Variants in ZBTB8OS observed in about 807,000 individuals in gnomAD.
ZBTB8OS encodes tRNA splicing ligase complex subunit 1.
ZBTB8OS carries 16 observed loss-of-function variants against 29.3 expected under a neutral mutation model. The ratio of observed to expected loss-of-function variants is 0.55; its 90% CI spans 0.37 to 0.83. The LOEUF is 0.83. Among genes scored for constraint, ZBTB8OS ranks in the 40% least tolerant of loss-of-function variants. ZBTB8OS has a pLI of 0.00. For synonymous variants in ZBTB8OS, 70 were observed against 64.6 expected, an observed-to-expected ratio of 1.08 and a Z score of -0.40; for missense variants, 160 against 196.9, an observed-to-expected ratio of 0.81 and a Z score of 1.12.
At chr1:32,648,211 A>G (rs187628030) in intron 1 of ZBTB8OS, among the ~76,000 whole-genome samples, 18 of 152,378 alleles carry the variant, frequency 1.2e-4, no homozygotes, top group Non-Finnish European at 2.1e-4. Context: ...TATGGTAACA[A>G]TTAGTAGAAG....
intron 5 of ZBTB8OS, 120 bp from the exon 6 acceptor site, chr1:32,627,664 G>A (rs1332568760): frequency 4.7e-6 from 4 of 844,178 alleles, no homozygotes; most frequent in Non-Finnish European, 7.6e-6. Context: ...GGGTCAGGGA[G>A]CTGTTAAGTT....
intron 1 of ZBTB8OS, among the ~76,000 whole-genome samples, chr1:32,639,080 T>C (rs1342174847): frequency 6.6e-6 from 1 of 151,720 alleles, no homozygotes; most frequent in African/African-American, 2.4e-5. Flanking sequence ...GGTGGATCAC[T>C]TGAGGTCAGG....
intron 1 of ZBTB8OS, among the ~76,000 whole-genome samples, chr1:32,647,903 T>C (rs1391318105): frequency 6.6e-6 from 1 of 152,148 alleles, no homozygotes; most frequent in Non-Finnish European, 1.5e-5. Context: ...CATCCTCCCC[T>C]ACAACCCCCG....
At chr1:32,637,107 GTC>G (rs1405091597) in intron 1 of ZBTB8OS, among the ~76,000 whole-genome samples, 7 of 151,934 alleles carry the variant, frequency 4.6e-5, no homozygotes, top group African/African-American at 1.2e-4. Flanking sequence ...ACTCTACTAA[GTC>G]CCCCTCACTC....
chr1:32,642,918 G>A (rs1182291531), intron 1 of ZBTB8OS, among the ~76,000 whole-genome samples: 1 of 143,040 alleles, frequency 7.0e-6, no homozygotes, highest in Non-Finnish European at 1.5e-5. Flanking sequence ...TTACAGTCAC[G>A]CGCCACCACG....
chr1:32,646,610 A>C (rs12737343), intron 1 of ZBTB8OS, among the ~76,000 whole-genome samples: 15 of 151,076 alleles, frequency 9.9e-5, no homozygotes, highest in South Asian at 6.3e-4. Context: ...GGATGGCCTC[A>C]ATCTCCTGAC....
chr1:32,650,639 C>T (rs1647407550), upstream of ZBTB8OS: 2 of 1,579,898 alleles, frequency 1.3e-6, no homozygotes, highest in Non-Finnish European at 1.7e-6. Flanking sequence ...TAAAGGACCA[C>T]ACTCCTTTCT....
chr1:32,634,218 T>A (rs561351327), intron 2 of ZBTB8OS, 146 bp from the exon 3 acceptor site: 2 of 573,080 alleles, frequency 3.5e-6, no homozygotes, highest in Non-Finnish European at 5.5e-6. Context: ...CAGGTGCTTT[T>A]CTTTTTATTA....
intron 1 of ZBTB8OS, among the ~76,000 whole-genome samples, chr1:32,646,023 T>C (rs1646801193): frequency 6.6e-6 from 1 of 152,116 alleles, no homozygotes; most frequent in Non-Finnish European, 1.5e-5. Flanking sequence ...CATACTTCAA[T>C]AAAAGATGTA....
intron 2 of ZBTB8OS, 112 bp from the exon 3 acceptor site, chr1:32,634,184 C>T: frequency 1.0e-6 from 1 of 968,006 alleles, no homozygotes; most frequent in Non-Finnish European, 1.4e-6. Flanking sequence ...TTTAAGGCCT[C>T]AATCAATTTA....
At chr1:32,633,818 T>A in intron 3 of ZBTB8OS, 91 bp from the exon 4 acceptor site, 2 of 1,467,946 alleles carry the variant, frequency 1.4e-6, no homozygotes, top group Non-Finnish European at 1.8e-6. Context: ...CTTAGGTCAG[T>A]TTAAAGAGAA....
At chr1:32,647,844 T>C (rs1218844048) in intron 1 of ZBTB8OS, among the ~76,000 whole-genome samples, 1 of 152,162 alleles carries the variant, frequency 6.6e-6, no homozygotes, top group Non-Finnish European at 1.5e-5. Context: ...GTAATAATAA[T>C]AGAAATAAAA....
chr1:32,646,406 G>T (rs1162945420), intron 1 of ZBTB8OS, among the ~76,000 whole-genome samples: 6 of 146,628 alleles, frequency 4.1e-5, no homozygotes, highest in South Asian at 2.2e-4. Flanking sequence ...ATTTTTTTTT[G>T]AGAAAGAGTC....
At chr1:32,630,082 A>AAAAAC (rs1343964565) in intron 5 of ZBTB8OS, among the ~76,000 whole-genome samples, 2 of 152,152 alleles carry the variant, frequency 1.3e-5, no homozygotes, top group Non-Finnish European at 2.9e-5. Flanking sequence ...AAAAACAACA[A>AAAAAC]AAAACAAAAC....
intron 2 of ZBTB8OS, chr1:32,634,508 G>A (rs1645807974): frequency 7.5e-6 from 4 of 534,208 alleles, no homozygotes; most frequent in Non-Finnish European, 1.0e-5. Context: ...TACAGGCGTT[G>A]AGCCACCACA....
rs139316214 is a variant in ZBTB8OS at position 32,634,869 on chromosome 1, C to T, written c.98-77G>A. ...TCACACACACAAAATAACTCTAGTC[C>T]ATTATTATTAGGAATATCATCTTTA... On this transcript the variant is annotated intron_variant, in intron 1 of 6. Transcript: ENST00000468695. 5.7e-5 allele frequency: 56 copies of T among 986,112 alleles called. No individual in the cohort carries two copies. In the African/African-American group the frequency reaches 7.3e-4, roughly 13 times the overall value. The allele number at this position is 986,112 out of a possible 1,614,324, so 61.1% of individuals were successfully genotyped here. A position where few individuals can be genotyped will look rare whatever the true frequency, so the allele number is the denominator to read the frequency against.
chr1:32,634,556 GTCTC>G (rs750452583), intron 2 of ZBTB8OS: 137 of 586,880 alleles, frequency 2.3e-4, no homozygotes, highest in Middle Eastern at 4.0e-4. Flanking sequence ...TTGAGATGGG[GTCTC>G]TCTGTCACCC....
chr1:32,642,970 C>A (rs1402897484), intron 1 of ZBTB8OS, among the ~76,000 whole-genome samples: 7 of 143,780 alleles, frequency 4.9e-5, no homozygotes, highest in East Asian at 4.3e-4. Flanking sequence ...AGAGTTTCAC[C>A]ATGTTGGCCA....
At chr1:32,650,627 C>T, upstream of ZBTB8OS, 1 of 1,602,158 alleles carries the variant, frequency 6.2e-7, no homozygotes, top group Non-Finnish European at 8.5e-7. Context: ...GGCGCACACC[C>T]TTAAAGGACC....
Sources: allele counts gnomAD v4.1 joint callset (sites outside exome capture counted in the v4.1 genomes callset), GRCh38; gene constraint gnomAD v4.1.1; transcripts MANE v1.5; gene names NCBI Gene and HGNC (gene_info 2026-07-23, HGNC 2026-07-21).